RPE65: variants seen among roughly 807,000 people sequenced by gnomAD.
RPE65 encodes the protein retinoid isomerohydrolase RPE65.
Under a neutral mutation model 68.5 loss-of-function variants are expected in RPE65, and 58 were observed. The observed-to-expected ratio is 0.85, with a 90% CI of 0.69 to 1.05. The LOEUF (loss-of-function observed/expected upper bound fraction) is 1.05, where lower values mean the gene tolerates loss of function less well. RPE65 is among the 50% of genes least tolerant of loss of function. The probability of loss-of-function intolerance (pLI) is 0.00; values close to 1 mark genes in which losing one functional copy is unlikely to be tolerated. For synonymous variants in RPE65, 220 were observed against 222.2 expected (o/e 0.99, Z 0.09); for missense variants, 643 against 629.9 (o/e 1.02, Z -0.22).
intron 2 of RPE65, 48 bp from the exon 3 acceptor site, chr1:68,446,908 C>T (rs1453148078): frequency 1.9e-6 from 3 of 1,611,898 alleles, no homozygotes; most frequent in Admixed American, 1.7e-5. Flanking sequence ...CTGCCTTGGG[C>T]TAGGCTTGTC....
chr1:68,441,312 C>T lies in RPE65; in HGVS notation c.496-312G>A, dbSNP rs975649226. On this transcript the variant is annotated intron_variant, in intron 5 of 13. Coordinates refer to ENST00000262340, the MANE Select transcript of RPE65 (RefSeq NM_000329.3). Reference sequence around the variant, plus strand: ...ACCTGAAACCATAAGTTTGAGTCCTCAGACTTCTTTATACTCTTATTATTG... The same window carrying T: ...ACCTGAAACCATAAGTTTGAGTCCTTAGACTTCTTTATACTCTTATTATTG... Among the ~76,000 whole-genome samples the T allele has an allele frequency of 6.6e-5, 10 of 152,154 alleles. No homozygotes were observed. In the South Asian group the frequency reaches 1.2e-3, roughly 19 times the overall value.
rs1645824305 is a variant in RPE65, at chr1:68,431,317, A to G, written c.1303T>C (p.Tyr435His). ...ACAAAGTGATTCAAGCCAAGTCCAT[A>G]CGCATATGTGTAAGGTTTCCCACAA... Reference protein sequence around the residue: ...KYCGKPYTYAYGLGLNHFVPD... With the variant: ...KYCGKPYTYAHGLGLNHFVPD... The change falls in exon 12 of 14, where the codon TAT (tyrosine) becomes CAT (histidine). Residue 435 changes from tyrosine to histidine, a missense_variant. Physicochemically the swap from Tyr to His is moderately conservative, Grantham distance 83 (BLOSUM62 2). Transcript: ENST00000262340. The G allele has an allele frequency of 1.2e-6, 2 of 1,614,018 alleles. No individual in the cohort carries two copies. Among genetic ancestry groups the G allele is most frequent in the African/African-American group, 2.7e-5 (2 of 75,040 alleles).
chr1:68,447,876 A>AC (rs1645954037), intron 2 of RPE65, among the ~76,000 whole-genome samples: 1 of 151,920 alleles, frequency 6.6e-6, no homozygotes, highest in Non-Finnish European at 1.5e-5. Flanking sequence ...AAACAAACAA[A>AC]AAAACAAACA....
chr1:68,435,731 A>T (rs1645858355), intron 10 of RPE65, among the ~76,000 whole-genome samples: 1 of 152,170 alleles, frequency 6.6e-6, no homozygotes, highest in South Asian at 2.1e-4. Context: ...CATTGCAAAT[A>T]ACTATGTTCC....
chr1:68,441,333 T>G (rs921062236), intron 5 of RPE65, among the ~76,000 whole-genome samples: 9 of 152,312 alleles, frequency 5.9e-5, no homozygotes, highest in Admixed American at 5.2e-4. Context: ...ATACTCTTAT[T>G]ATTGTATTAG....
chr1:68,448,729 A>G, intron 1 of RPE65, 23 bp from the exon 2 acceptor site: 1 of 1,606,210 alleles, frequency 6.2e-7, no homozygotes. Context: ...AAGAATAAGG[A>G]AGAAGCCCAT....
In RPE65 at chr1:68,448,688, A is replaced by C; in HGVS notation, c.30T>G (p.Gly10=). MSIQVEHPA[G]GYKKLFETVE... ...CAGTTTCAAACAGTTTCTTGTAACC[A>C]CCAGCAGGATGCTCAACCCTGAAAT... Residue 10 remains glycine, a synonymous_variant, in exon 2 of 14, where the codon GGT becomes GGG. Transcript: ENST00000262340. The C allele has an allele frequency of 6.2e-7, 1 of 1,613,768 alleles. No individual in the cohort carries two copies. Among genetic ancestry groups the C allele is most frequent in the Non-Finnish European group, 8.5e-7 (1 of 1,179,880 alleles).
Position 68,429,745 on chromosome 1 carries a change from G to A in RPE65, c.*31C>T, listed in dbSNP as rs763820730. On this transcript the variant is annotated 3_prime_UTR_variant, in exon 14 of 14. Transcript: ENST00000262340. ...ACCTGAAGCTGATTTTCTCAGTTTTGCTACCAAAAACATATCTTGCTGGAG... is the reference window on the plus strand; with the variant it reads ...ACCTGAAGCTGATTTTCTCAGTTTTACTACCAAAAACATATCTTGCTGGAG... 6.2e-7 allele frequency: 1 copy of A among 1,612,734 alleles called. No homozygotes were observed. Among genetic ancestry groups the A allele is most frequent in the African/African-American group, 1.3e-5 (1 of 74,860 alleles).
Position 68,429,879 on chromosome 1 carries a change from G to C in RPE65, c.1499C>G (p.Ala500Gly). Residue 500 changes from alanine (A) to glycine (G), a missense_variant, in exon 14 of 14, where the codon GCT (alanine) becomes GGT (glycine). Physicochemically the swap from Ala to Gly is moderately conservative, Grantham distance 60 (BLOSUM62 0). Coordinates refer to ENST00000262340, the MANE Select transcript of RPE65 (RefSeq NM_000329.3). ...VVSPGAGQKP[A>G]YLLILNAKDL... ...CTTGGCATTCAGAATCAGGAGATAA[G>C]CAGGCTTTTGTCCTGCTCCTGGGCT... is the stretch of plus-strand genomic sequence containing the variant. 4 of 1,613,876 alleles carry C rather than the reference G, an allele frequency of 2.5e-6. No homozygotes were observed. The highest frequency in any genetic ancestry group is 3.3e-4 in the Middle Eastern group (2 of 6,060).
intron 10 of RPE65, among the ~76,000 whole-genome samples, chr1:68,437,154 G>T (rs1324704633): frequency 6.6e-6 from 1 of 151,854 alleles, no homozygotes; most frequent in African/African-American, 2.4e-5. Flanking sequence ...TACTTAAATG[G>T]CTCCCTATAT....
chr1:68,432,017 G>A (rs1645830631), intron 10 of RPE65, among the ~76,000 whole-genome samples: 1 of 145,732 alleles, frequency 6.9e-6, no homozygotes, highest in South Asian at 2.3e-4. Flanking sequence ...CGTAGAATAT[G>A]TTTTGATTTT....
intron 9 of RPE65, among the ~76,000 whole-genome samples, chr1:68,438,703 G>T (rs1645878026): frequency 6.6e-6 from 1 of 152,120 alleles, no homozygotes; most frequent in Non-Finnish European, 1.5e-5. Flanking sequence ...CACCTCTCAG[G>T]TCACAGAATC....
At chr1:68,436,444 C>CTATT (rs71071305) in intron 10 of RPE65, among the ~76,000 whole-genome samples, 7,430 of 147,532 alleles carry the variant, frequency 0.05, 209 homozygotes, top group Non-Finnish European at 0.056. Context: ...CCTGTTACTT[C>CTATT]TATTTATTTA....
intron 10 of RPE65, among the ~76,000 whole-genome samples, chr1:68,437,777 A>ATGAAC (rs1445113948): frequency 2.0e-5 from 3 of 152,194 alleles, no homozygotes; most frequent in Admixed American, 6.5e-5. Flanking sequence ...AACCAAAATA[A>ATGAAC]TGAACTGGTT....
chr1:68,446,816 GC>G lies in RPE65; in HGVS notation c.138del (p.Pro47GlnfsTer47), dbSNP rs61752865. 1.2e-6 allele frequency: 2 copies of G among 1,613,940 alleles called. No homozygotes were observed. The highest frequency in any genetic ancestry group is 1.7e-5 in the Admixed American group (1 of 60,002). ...LWLTGSLLRCGPGLFEVGSEP... is the reference protein window; with the variant it reads ...LWLTGSLLRCXPGLFEVGSEP... ...TCAGATCCAACTTCAAAGAGTCCTG[GC>G]CCACATCGAAGGAGACTGCCGGTGA... On this transcript the variant is annotated frameshift_variant, in exon 3 of 14. Coordinates refer to ENST00000262340, the MANE Select transcript of RPE65 (RefSeq NM_000329.3). LOFTEE classifies it high-confidence loss of function.
rs747669227 is a variant in RPE65 at position 68,439,128 on chromosome 1, G to A, written c.859-47C>T. 7.4e-6 allele frequency: 12 copies of A among 1,613,870 alleles called. No homozygotes were observed. In the South Asian group the frequency reaches 1.3e-4, roughly 18 times the overall value. On this transcript the variant is annotated intron_variant, in intron 8 of 13. Transcript: ENST00000262340. ...TTTGATGCATTTAAAAAGGAAAAAAGTGTACATTATTAAACACATCTTCTT... is the reference window on the plus strand; with the variant it reads ...TTTGATGCATTTAAAAAGGAAAAAAATGTACATTATTAAACACATCTTCTT...
At chr1:68,432,052 T>C (rs979921570) in intron 10 of RPE65, among the ~76,000 whole-genome samples, 24 of 151,718 alleles carry the variant, frequency 1.6e-4, no homozygotes, top group African/African-American at 5.8e-4. Flanking sequence ...ATCCTTACAG[T>C]TATGTTGACA....
Position 68,429,816 on chromosome 1 carries a change from T to A in RPE65, c.1562A>T (p.Asn521Ile), listed in dbSNP as rs200661005. The A allele has an allele frequency of 1.2e-6, 2 of 1,613,834 alleles. No homozygotes were observed. Among genetic ancestry groups the A allele is most frequent in the Non-Finnish European group, 1.7e-6 (2 of 1,179,794 alleles). The change falls in exon 14 of 14, where the codon AAC (asparagine) becomes ATC (isoleucine). Residue 521 changes from asparagine (N) to isoleucine (I), a missense_variant. Transcript: ENST00000262340. The stretch of plus-strand genomic sequence containing the variant: ...CAGTCCATGAAAGGTGACAGGGATG[T>A]TAATCTCCACTTCAGCCCGGGCAAC... ...SEVARAEVEI[N>I]IPVTFHGLFK... is the part of the protein sequence containing the mutation.
intron 10 of RPE65, among the ~76,000 whole-genome samples, chr1:68,432,010 A>G (rs1645830571): frequency 5.3e-5 from 8 of 151,774 alleles, no homozygotes; most frequent in Admixed American, 5.2e-4. Flanking sequence ...GTTCACACGT[A>G]GAATATGTTT....
Sources: gnomAD v4.1 joint callset for allele counts (sites outside exome capture counted in the v4.1 genomes callset) on GRCh38, gnomAD v4.1.1 for gene constraint, MANE v1.5 for transcripts, NCBI Gene and HGNC (gene_info 2026-07-23, HGNC 2026-07-21) for gene names.